The following ADAMTSL2 variants were observed in gnomAD, a reference collection of about 807,000 sequenced individuals.
The protein encoded by ADAMTSL2 is ADAMTS-like protein 2.
In ADAMTSL2, 55 loss-of-function variants were observed where a neutral mutation model predicts 117.0. The ratio of observed to expected loss-of-function variants is 0.47; its 90% CI spans 0.38 to 0.59. The LOEUF (loss-of-function observed/expected upper bound fraction) is 0.59. Among genes scored for constraint, ADAMTSL2 ranks in the 20% least tolerant of loss-of-function variants. The pLI is 0.00. For missense variants in ADAMTSL2, 1,182 were observed against 1,354.5 expected (o/e 0.87, Z 2.00); for synonymous variants, 572 against 566.4 (o/e 1.01, Z -0.14).
chr9:133,565,692 G>A (rs1168190158), intron 12 of ADAMTSL2, among the ~76,000 whole-genome samples: 1 of 152,244 alleles, frequency 6.6e-6, no homozygotes, highest in Non-Finnish European at 1.5e-5. Context: ...GGAGAGGCAG[G>A]AGCCGCTGGC....
intron 7 of ADAMTSL2, among the ~76,000 whole-genome samples, chr9:133,542,423 G>C (rs1351246748): frequency 6.6e-6 from 1 of 152,182 alleles, no homozygotes; most frequent in Non-Finnish European, 1.5e-5. Context: ...CAGAGGGAGA[G>C]TGGGCATTGG....
intron 7 of ADAMTSL2, 44 bp from the exon 8 acceptor site, chr9:133,544,426 C>T: frequency 1.3e-6 from 2 of 1,533,588 alleles, no homozygotes; most frequent in Non-Finnish European, 1.8e-6. Context: ...CCCAAGGCTG[C>T]CTTTCCAATC....
At chr9:133,538,883 G>A (rs1830121190) in intron 4 of ADAMTSL2, among the ~76,000 whole-genome samples, 4 of 152,152 alleles carry the variant, frequency 2.6e-5, no homozygotes, top group South Asian at 4.1e-4. Flanking sequence ...TCCTTGGGTA[G>A]CCGAGGCTGA....
chr9:133,574,398 G>T (rs2131193393), intron 18 of ADAMTSL2, among the ~76,000 whole-genome samples: 1 of 152,312 alleles, frequency 6.6e-6, no homozygotes, highest in Non-Finnish European at 1.5e-5. Flanking sequence ...GGGACAGGGT[G>T]CCAGGTGCAG....
chr9:133,543,822 G>A (rs548266606), intron 7 of ADAMTSL2, among the ~76,000 whole-genome samples: 88 of 152,306 alleles, frequency 5.8e-4, no homozygotes, highest in African/African-American at 2.0e-3. Flanking sequence ...CTCCTTCTCT[G>A]AGCACCTCCC....
chr9:133,551,727 T>C (rs938894942), intron 9 of ADAMTSL2, among the ~76,000 whole-genome samples: 8 of 151,720 alleles, frequency 5.3e-5, no homozygotes, highest in African/African-American at 1.7e-4. Context: ...TGCCAGGTCA[T>C]ACGGCCCATG....
chr9:133,554,489 G>A lies in ADAMTSL2; in HGVS notation c.1072G>A (p.Ala358Thr). The change falls in exon 10 of 19, where the codon GCC becomes ACC. Residue 358 changes from alanine (A) to threonine (T), a missense_variant. Ala to Thr is a moderately conservative substitution (Grantham distance 58). This residue lies in a region of ADAMTSL2 where 345 missense variants were observed against 325.8 expected (regional missense o/e 1.06). Transcript: ENST00000651351. The surrounding 1 kb of genome is among the most constrained non-coding windows in gnomAD (Gnocchi z 5.2). Reference sequence around the variant, plus strand: ...CGCTGAGAGCCAGGGCCTGGACGGGGCCGGGCTGATGGGCTTCGTCCCGCA... The same window carrying A: ...CGCTGAGAGCCAGGGCCTGGACGGGACCGGGCTGATGGGCTTCGTCCCGCA... ...ESAESQGLDGAGLMGFVPHNG... is the reference protein window; with the variant it reads ...ESAESQGLDGTGLMGFVPHNG... The A allele has an allele frequency of 6.4e-7, 1 of 1,551,304 alleles. No individual in the cohort carries two copies. Among genetic ancestry groups the A allele is most frequent in the South Asian group, 1.2e-5 (1 of 84,190 alleles).
intron 1 of ADAMTSL2, among the ~76,000 whole-genome samples, chr9:133,535,390 C>T (rs1043946636): frequency 1.8e-4 from 7 of 38,358 alleles, no homozygotes; most frequent in Non-Finnish European, 5.4e-5. Flanking sequence ...GGGCAGGCGG[C>T]GGGGGCAGGG....
At position 133,555,754 on chromosome 9, in the gene ADAMTSL2, G is replaced by A. The variant is rs1277882935; in HGVS notation, c.1473G>A (p.Leu491=). 6 of 1,613,942 alleles carry A rather than the reference G, an allele frequency of 3.7e-6. No individual in the cohort carries two copies. The highest frequency in any genetic ancestry group is 5.1e-6 in the Non-Finnish European group (6 of 1,180,062). Residue 491 remains leucine, a synonymous_variant, in exon 11 of 19, where the codon CTG becomes CTA. Transcript: ENST00000651351. ...CACAGGGCGCCCCAAGGAGCTCCCT[G>A]GCCGAGAGCTTCTTCGTGGATTATG... is the stretch of plus-strand genomic sequence containing the variant. ...IFAQGAPRSS[L]AESFFVDYEE...
chr9:133,550,518 T>C (rs139995681), intron 9 of ADAMTSL2, among the ~76,000 whole-genome samples: 1 of 152,134 alleles, frequency 6.6e-6, no homozygotes, highest in Non-Finnish European at 1.5e-5. Flanking sequence ...CCTTTGGGCG[T>C]TGGGGCTGTG....
Position 133,555,871 on chromosome 9 carries a change from A to G in ADAMTSL2, c.1590A>G (p.Pro530=), listed in dbSNP as rs886063643. Residue 530 remains proline (P), a synonymous_variant, in exon 11 of 19, where the codon CCA becomes CCG. Coordinates refer to ENST00000651351, the MANE Select transcript of ADAMTSL2 (RefSeq NM_014694.4). ...TTGCCAACAGCTCCTCCGAGGCCCC[A>G]TTCCCCAACGTTAGCACCAGCCTGC... The part of the protein sequence containing the change: ...DRVANSSSEA[P]FPNVSTSLLT... The G allele has an allele frequency of 4.6e-4, 743 of 1,613,154 alleles. No homozygotes were observed. The highest frequency in any genetic ancestry group is 6.0e-4 in the Non-Finnish European group (704 of 1,179,984).
At chr9:133,545,058 C>T (rs1210141216) in intron 8 of ADAMTSL2, among the ~76,000 whole-genome samples, 1 of 152,126 alleles carries the variant, frequency 6.6e-6, no homozygotes, top group Non-Finnish European at 1.5e-5. Flanking sequence ...CCTGAGTATT[C>T]TGGAGTTGTT....
upstream of ADAMTSL2, among the ~76,000 whole-genome samples, chr9:133,533,638 G>A (rs1482341969): frequency 6.6e-6 from 1 of 152,196 alleles, no homozygotes. Context: ...TTTCTGGTGG[G>A]TGGTCAGACA....
At chr9:133,539,931 C>T in intron 5 of ADAMTSL2, 58 bp downstream of exon 5, 1 of 1,487,664 alleles carries the variant, frequency 6.7e-7, no homozygotes, top group South Asian at 1.2e-5. Flanking sequence ...TGGGGGTAGC[C>T]CTTCCGGCAC....
At chr9:133,562,820 G>A (rs1178585817) in intron 12 of ADAMTSL2, among the ~76,000 whole-genome samples, 20 of 111,264 alleles carry the variant, frequency 1.8e-4, no homozygotes, top group African/African-American at 7.5e-4. Flanking sequence ...TCGCACCGCT[G>A]TGGGCGGCGT....
intron 12 of ADAMTSL2, among the ~76,000 whole-genome samples, chr9:133,565,016 A>G (rs920773431): frequency 1.3e-5 from 2 of 152,122 alleles, no homozygotes; most frequent in Non-Finnish European, 2.9e-5. Context: ...TTGGAGCCAT[A>G]GCAACAGAGG....
Position 133,554,213 on chromosome 9 carries a change from TG to T in ADAMTSL2, c.940-141del. 1.3e-6 allele frequency: 1 copy of T among 750,406 alleles called. No homozygotes were observed. Among genetic ancestry groups the T allele is most frequent in the Non-Finnish European group, 2.1e-6 (1 of 471,626 alleles). The allele number at this position is 750,406 out of a possible 1,614,324, so 46.5% of individuals were successfully genotyped here. A position where few individuals can be genotyped will look rare whatever the true frequency, so the allele number is the denominator to read the frequency against. On this transcript the variant is annotated intron_variant, in intron 9 of 18. Transcript: ENST00000651351. This position sits in a 1 kb window ranked among gnomAD's most constrained non-coding sequence, Gnocchi z 5.2. Reference sequence around the variant, plus strand: ...CTGGGGCAGGAGCACTGCGTTGGGCTGGGCTAGTCAGTGTCATTCCCTGAGG... The same window carrying T: ...CTGGGGCAGGAGCACTGCGTTGGGCTGGCTAGTCAGTGTCATTCCCTGAGG...
At position 133,569,397 on chromosome 9, in the gene ADAMTSL2, C is replaced by T; in HGVS notation, c.2245-11C>T. The T allele has an allele frequency of 6.2e-7, 1 of 1,612,840 alleles. No homozygotes were observed. The highest frequency in any genetic ancestry group is 8.5e-7 in the Non-Finnish European group (1 of 1,179,774). On this transcript the variant is annotated splice_polypyrimidine_tract_variant and intron_variant, in intron 15 of 18. Coordinates refer to ENST00000651351, the MANE Select transcript of ADAMTSL2 (RefSeq NM_014694.4). Reference sequence around the variant, plus strand: ...TCACTGGATGTCCCCTGCCTGTCCTCTCCCCTGCAGTGCAGTGGAAGCTGC... The same window carrying T: ...TCACTGGATGTCCCCTGCCTGTCCTTTCCCCTGCAGTGCAGTGGAAGCTGC...
chr9:133,541,989 TAGC>T (rs1413567812), intron 7 of ADAMTSL2, among the ~76,000 whole-genome samples: 1 of 152,224 alleles, frequency 6.6e-6, no homozygotes, highest in Non-Finnish European at 1.5e-5. Flanking sequence ...CAGACCCACT[TAGC>T]AGATGGGGAA....
Sources: allele counts gnomAD v4.1 joint callset (sites outside exome capture counted in the v4.1 genomes callset), GRCh38; gene constraint gnomAD v4.1.1; regional missense constraint gnomAD v4.1.1; non-coding constraint Gnocchi (gnomAD v3.1); transcripts MANE v1.5; gene names NCBI Gene and HGNC (gene_info 2026-07-23, HGNC 2026-07-21).